Variants in KCNN2 observed in about 807,000 individuals in gnomAD.
KCNN2 encodes the protein potassium calcium-activated channel subfamily N member 2.
KCNN2 carries 24 observed loss-of-function variants against 55.5 expected under a neutral mutation model. The observed-to-expected ratio is 0.43, with a 90% CI of 0.31 to 0.61. KCNN2 has a LOEUF of 0.61. KCNN2 is among the 20% of genes least tolerant of loss of function. The pLI, the probability that KCNN2 is intolerant of heterozygous loss-of-function variation, is 0.08. For synonymous variants in KCNN2, 431 were observed against 336.1 expected, an observed-to-expected ratio of 1.28 and a Z score of -3.09; for missense variants, 754 against 853.6, an observed-to-expected ratio of 0.88 and a Z score of 1.45.
chr5:114,330,241 C>T (rs886933415), intron 2 of KCNN2, among the ~76,000 whole-genome samples: 3 of 152,174 alleles, frequency 2.0e-5, no homozygotes, highest in African/African-American at 4.8e-5. Context: ...GTCAAGCTTA[C>T]TGAGCTTAGT....
intron 2 of KCNN2, among the ~76,000 whole-genome samples, chr5:114,308,649 A>G (rs990668104): frequency 6.6e-6 from 1 of 152,212 alleles, no homozygotes; most frequent in African/African-American, 2.4e-5. Flanking sequence ...CAAAGCCAGT[A>G]TGGAATGGGT....
intron 7 of KCNN2, 104 bp downstream of exon 7, chr5:114,493,576 T>A: frequency 2.5e-6 from 2 of 785,844 alleles, no homozygotes; most frequent in South Asian, 1.5e-5. Flanking sequence ...CAAATCTAAT[T>A]AATAAATCAA....
intron 1 of KCNN2, among the ~76,000 whole-genome samples, chr5:114,074,895 A>G (rs1450295883): frequency 6.6e-6 from 1 of 152,226 alleles, no homozygotes; most frequent in East Asian, 1.9e-4. Context: ...AAAGTGCACA[A>G]TTCACTTTAG....
chr5:114,470,385 TA>T (rs1761668492), intron 4 of KCNN2, among the ~76,000 whole-genome samples: 1 of 152,148 alleles, frequency 6.6e-6, no homozygotes, highest in Non-Finnish European at 1.5e-5. Context: ...CAAGTTCCTG[TA>T]GAACCCAGTG....
chr5:114,328,706 G>T (rs1053687258), intron 2 of KCNN2, among the ~76,000 whole-genome samples: 1 of 152,126 alleles, frequency 6.6e-6, no homozygotes, highest in Non-Finnish European at 1.5e-5. Flanking sequence ...TTTCCTGTGG[G>T]AAGCTGAACT....
intron 1 of KCNN2, among the ~76,000 whole-genome samples, chr5:114,196,012 G>C (rs1406919335): frequency 1.3e-5 from 2 of 152,022 alleles, no homozygotes; most frequent in East Asian, 3.9e-4. Flanking sequence ...CTGCATGTGG[G>C]TATGGAGTTC....
intron 1 of KCNN2, among the ~76,000 whole-genome samples, chr5:114,172,592 A>C (rs972425657): frequency 1.7e-5 from 2 of 116,902 alleles, no homozygotes; most frequent in African/African-American, 5.3e-5. Context: ...ACACATATTT[A>C]GTTATATATA....
intron 1 of KCNN2, among the ~76,000 whole-genome samples, chr5:114,176,438 G>C (rs1001876297): frequency 1.1e-4 from 17 of 152,026 alleles, no homozygotes; most frequent in African/African-American, 3.9e-4. Context: ...AAAGACTTTG[G>C]CTCTGTAAGG....
chr5:114,151,431 G>A (rs374128754), intron 1 of KCNN2, among the ~76,000 whole-genome samples: 6 of 152,056 alleles, frequency 3.9e-5, no homozygotes, highest in Non-Finnish European at 4.4e-5. Context: ...GACAGCAAAG[G>A]GGGTTGTAAT....
At chr5:114,264,076 A>T (rs1447309820) in intron 2 of KCNN2, among the ~76,000 whole-genome samples, 1 of 152,180 alleles carries the variant, frequency 6.6e-6, no homozygotes, top group East Asian at 1.9e-4. Flanking sequence ...CATACTTCCA[A>T]TTAGGTGATT....
At chr5:114,223,120 A>G (rs564563739) in intron 2 of KCNN2, among the ~76,000 whole-genome samples, 5 of 152,202 alleles carry the variant, frequency 3.3e-5, no homozygotes, top group Non-Finnish European at 5.9e-5. Context: ...AAAAGAAGAT[A>G]TATAATTTAG....
rs2068121 is a variant in KCNN2 at position 114,076,370 on chromosome 5, C to A, written c.-271+19870C>A. On this transcript the variant is annotated intron_variant, in intron 1 of 10. Coordinates refer to the KCNN2 transcript ENST00000512097. ...CTCATTTTGGGATCTCTGCTATGCC[C>A]TAAGGATGGAATGAGAGAGATGTGT... 3.1e-3 allele frequency among the ~76,000 whole-genome samples: 476 copies of A among 151,884 alleles called. 2 individuals carry two copies. Among genetic ancestry groups the A allele is most frequent in the African/African-American group, 0.011 (449 of 41,468 alleles).
chr5:114,487,289 T>C, intron 6 of KCNN2, 112 bp downstream of exon 6: 1 of 948,454 alleles, frequency 1.1e-6, no homozygotes, highest in Non-Finnish European at 1.6e-6. Context: ...GTCATGTTTA[T>C]TCCCAGAAGA....
At chr5:114,433,240 C>G (rs561868886) in intron 3 of KCNN2, among the ~76,000 whole-genome samples, 1 of 152,304 alleles carries the variant, frequency 6.6e-6, no homozygotes, top group East Asian at 1.9e-4. Context: ...TTTGTAAATA[C>G]ACCAATCAGC....
intron 1 of KCNN2, among the ~76,000 whole-genome samples, chr5:114,070,393 T>A (rs1343577180): frequency 6.6e-6 from 1 of 152,244 alleles, no homozygotes; most frequent in African/African-American, 2.4e-5. Flanking sequence ...CAACGAGCCA[T>A]GCCTTTACCT....
At chr5:114,139,461 C>CA (rs1300708003) in intron 1 of KCNN2, among the ~76,000 whole-genome samples, 2 of 148,906 alleles carry the variant, frequency 1.3e-5, no homozygotes, top group South Asian at 2.1e-4. Flanking sequence ...ACACAACCAC[C>CA]CCCCCCACAC....
chr5:114,359,445 T>C (rs36942), upstream of KCNN2, among the ~76,000 whole-genome samples: 62,111 of 152,084 alleles, frequency 0.41, 13,501 homozygotes, highest in East Asian at 0.86. Context: ...CATAGAGATA[T>C]ACATGGCAAA....
chr5:114,106,379 T>C (rs1751483110), intron 1 of KCNN2, among the ~76,000 whole-genome samples: 1 of 151,904 alleles, frequency 6.6e-6, no homozygotes, highest in East Asian at 1.9e-4. Flanking sequence ...TGGAATTGCT[T>C]GCTTATAGGA....
At chr5:114,089,432 A>G (rs1280420940) in intron 1 of KCNN2, among the ~76,000 whole-genome samples, 1 of 152,148 alleles carries the variant, frequency 6.6e-6, no homozygotes, top group Non-Finnish European at 1.5e-5. Flanking sequence ...ACGCAGTGGG[A>G]GCGCCAGTTG....
Sources: allele counts gnomAD v4.1 joint callset (sites outside exome capture counted in the v4.1 genomes callset), GRCh38; gene constraint gnomAD v4.1.1; transcripts MANE v1.5; gene names NCBI Gene and HGNC (gene_info 2026-07-23, HGNC 2026-07-21).